POLM: variants seen among roughly 807,000 people sequenced by gnomAD.
The protein encoded by POLM is DNA polymerase mu.
A neutral mutation model predicts 56.7 loss-of-function variants in POLM; 52 were observed. The ratio of observed to expected loss-of-function variants is 0.92; its 90% CI spans 0.73 to 1.15. The LOEUF is 1.15. Ranked by LOEUF, POLM falls within the 50% of genes most tolerant of loss-of-function variation. POLM has a pLI of 0.00. For missense variants in POLM, 660 were observed against 663.6 expected, an observed-to-expected ratio of 0.99 and a Z score of 0.06; for synonymous variants, 273 against 274.3, an observed-to-expected ratio of 1.00 and a Z score of 0.05.
Position 44,080,884 on chromosome 7 carries a change from G to A in POLM, c.221C>T (p.Thr74Ile). The A allele has an allele frequency of 6.3e-7, 1 of 1,592,732 alleles. No homozygotes were observed. Among genetic ancestry groups the A allele is most frequent in the Non-Finnish European group, 8.5e-7 (1 of 1,170,486 alleles). Residue 74 changes from threonine to isoleucine, a missense_variant, in exon 2 of 11, where the codon ACC becomes ATC. Transcript: ENST00000242248. ...CCAGCTGACGGCCTCCTCTGCTGAG[G>A]TCTCTTCCATCACAACATGTGTCGC... The part of the protein sequence containing the change: ...SEATHVVMEE[T>I]SAEEAVSWQE...
chr7:44,079,499 C>T (rs2096193295), intron 4 of POLM, 72 bp downstream of exon 4: 2 of 1,448,754 alleles, frequency 1.4e-6, no homozygotes, highest in African/African-American at 1.4e-5. Flanking sequence ...CCCACAGCAC[C>T]CTCTGCTGTC....
rs543072113 is a variant in POLM at position 44,082,478 on chromosome 7, G to T, written c.-40C>A. Reference sequence around the variant, plus strand: ...CCAGCAGCGCGGAGCGAACGCAGAGGGAAACTCCGAGCGAGACGGAAGGAA... The same window carrying T: ...CCAGCAGCGCGGAGCGAACGCAGAGTGAAACTCCGAGCGAGACGGAAGGAA... On this transcript the variant is annotated 5_prime_UTR_variant, in exon 1 of 11. Transcript: ENST00000242248. 2.2e-5 allele frequency: 22 copies of T among 1,015,736 alleles called. No individual in the cohort carries two copies. Among genetic ancestry groups the T allele is most frequent in the Non-Finnish European group, 2.3e-5 (19 of 830,388 alleles). 62.9% of individuals were successfully genotyped at this position (1,015,736 alleles called of 1,614,324 possible).
intron 1 of POLM, among the ~76,000 whole-genome samples, chr7:44,081,369 C>G (rs1338481187): frequency 6.6e-6 from 1 of 152,184 alleles, no homozygotes; most frequent in Non-Finnish European, 1.5e-5. Flanking sequence ...ACATATCCAC[C>G]CTGTGGGGTT....
At chr7:44,080,020 G>A (rs1001439281) in intron 2 of POLM, 61 bp from the exon 3 acceptor site, 13 of 1,235,746 alleles carry the variant, frequency 1.1e-5, no homozygotes, top group Middle Eastern at 2.6e-4. Flanking sequence ...GAGCCAGGCC[G>A]TACTCAGGCT....
Position 44,080,905 on chromosome 7 carries a change from G to C in POLM, c.200C>G (p.Thr67Arg). Residue 67 changes from threonine to arginine, a missense_variant, in exon 2 of 11, where the codon ACA becomes AGA. Thr to Arg is a moderately conservative substitution (Grantham distance 71). Transcript: ENST00000242248. ...RVLDACSSEA[T>R]HVVMEETSAE... is the part of the protein sequence containing the mutation. Reference sequence around the variant, plus strand: ...TGAGGTCTCTTCCATCACAACATGTGTCGCTTCGGAGCTGGTGGAGGGAGT... The same window carrying C: ...TGAGGTCTCTTCCATCACAACATGTCTCGCTTCGGAGCTGGTGGAGGGAGT... 6.4e-7 allele frequency: 1 copy of C among 1,570,926 alleles called. No individual in the cohort carries two copies. The highest frequency in any genetic ancestry group is 8.6e-7 in the Non-Finnish European group (1 of 1,159,232).
chr7:44,079,772 G>C (rs1286201124), intron 3 of POLM, 31 bp from the exon 4 acceptor site: 2 of 1,610,876 alleles, frequency 1.2e-6, no homozygotes, highest in Non-Finnish European at 1.7e-6. Context: ...TAAGGGGCAG[G>C]GTGGGCAGCT....
intron 4 of POLM, 38 bp downstream of exon 4, chr7:44,079,533 A>AAACCC: frequency 2.6e-6 from 2 of 768,070 alleles, no homozygotes; most frequent in Non-Finnish European, 4.4e-6. Context: ...AGGCCTCCCC[A>AAACCC]CCCACCCACT....
At chr7:44,074,774 A>G (rs2096179339) in intron 6 of POLM, among the ~76,000 whole-genome samples, 1 of 152,368 alleles carries the variant, frequency 6.6e-6, no homozygotes, top group African/African-American at 2.4e-5. Context: ...CTCGCAGTTA[A>G]AAGAAATAGC....
At chr7:44,079,528 T>TGCCCCCCCCCCC in intron 4 of POLM, 43 bp downstream of exon 4, 2 of 1,506,360 alleles carry the variant, frequency 1.3e-6, no homozygotes, top group Non-Finnish European at 1.8e-6. Flanking sequence ...CCCCAAGGCC[T>TGCCCCCCCCCCC]CCCCACCCAC....
At chr7:44,079,489 C>T in intron 4 of POLM, 82 bp downstream of exon 4, 1 of 1,366,780 alleles carries the variant, frequency 7.3e-7, no homozygotes, top group East Asian at 2.3e-5. Flanking sequence ...CTCACCCACC[C>T]CCACAGCACC....
chr7:44,073,327 G>T lies in POLM; in HGVS notation c.1449C>A (p.Gly483=). 1 of 1,614,192 alleles carries T rather than the reference G, an allele frequency of 6.2e-7. No homozygotes were observed. The change falls in exon 11 of 11, where the codon GGC becomes GGA. Residue 483 remains glycine (G), a synonymous_variant. Transcript: ENST00000242248. ...TCTGCTCTGGAGGAAGGTACTCAAGGCCCAGGTGTCTGAAGATGTCTTCCT... is the reference window on the plus strand; with the variant it reads ...TCTGCTCTGGAGGAAGGTACTCAAGTCCCAGGTGTCTGAAGATGTCTTCCT... ...ASEEDIFRHL[G]LEYLPPEQRN... is the part of the protein sequence containing the mutation.
rs753102782 is a variant in POLM, at chr7:44,073,409, G to A, written c.1399-32C>T. On this transcript the variant is annotated intron_variant, in intron 10 of 10. Transcript: ENST00000242248. ...CAGAAGCAGGACTTCCGTGACCTAG[G>A]AGTCTTGCCACTGCTGCTTCCCTGC... The A allele has an allele frequency of 8.7e-6, 14 of 1,608,214 alleles. 1 individual carries two copies. In the South Asian group the frequency reaches 1.5e-4, roughly 18 times the overall value.
In POLM at chr7:44,082,516, C is replaced by T. The variant is rs2096203433; in HGVS notation, c.-78G>A. On this transcript the variant is annotated 5_prime_UTR_variant, in exon 1 of 11. Transcript: ENST00000242248. The stretch of plus-strand genomic sequence containing the variant: ...GAGACGGAAGGAAGCCCCAGTGAGG[C>T]TGACGGAAGCGGGTGGGCGGGCGGG... 2 of 93,558 alleles carry T rather than the reference C, an allele frequency of 2.1e-5. No individual in the cohort carries two copies. The highest frequency in any genetic ancestry group is 3.9e-5 in the Non-Finnish European group (2 of 51,104). 5.8% of individuals were successfully genotyped at this position (93,558 alleles called of 1,614,324 possible). A position where few individuals can be genotyped will look rare whatever the true frequency, so the allele number is the denominator to read the frequency against.
In POLM at chr7:44,073,626, T is replaced by C; in HGVS notation, c.1397A>G (p.Gln466Arg). ...LNSHGLFDPE[Q>R]KTFFQAASEE... ...TGTCCCCAGTCCCCAACAATGTACCTGCTCCGGGTCAAACAGCCCATGGCT... is the reference window on the plus strand; with the variant it reads ...TGTCCCCAGTCCCCAACAATGTACCCGCTCCGGGTCAAACAGCCCATGGCT... Residue 466 changes from glutamine to arginine, a missense_variant and splice_region_variant, in exon 10 of 11, where the codon CAG becomes CGG. Physicochemically the swap from Gln to Arg is conservative, Grantham distance 43. Transcript: ENST00000242248. 1.2e-6 allele frequency: 2 copies of C among 1,614,092 alleles called. No homozygotes were observed. The highest frequency in any genetic ancestry group is 1.7e-6 in the Non-Finnish European group (2 of 1,179,948).
intron 6 of POLM, among the ~76,000 whole-genome samples, chr7:44,074,835 C>A (rs945919832): frequency 1.3e-5 from 2 of 152,186 alleles, no homozygotes. Context: ...AAAGGTTAAC[C>A]CCTTACAAAA....
At chr7:44,081,543 C>A (rs28382630) in intron 1 of POLM, among the ~76,000 whole-genome samples, 6,475 of 152,210 alleles carry the variant, frequency 0.043, 432 homozygotes, top group African/African-American at 0.15. Flanking sequence ...CTAGGGGGCA[C>A]CCCCAGCTCC....
intron 6 of POLM, chr7:44,075,637 T>C (rs957359402): frequency 3.3e-5 from 5 of 151,578 alleles, no homozygotes; most frequent in Non-Finnish European, 7.3e-5. Context: ...AGGCAGGCCA[T>C]GCAGAGAGAA....
In POLM at chr7:44,073,769, G is replaced by C; in HGVS notation, c.1314+14C>G. The C allele has an allele frequency of 6.2e-7, 1 of 1,613,902 alleles. No individual in the cohort carries two copies. Among genetic ancestry groups the C allele is most frequent in the Non-Finnish European group, 8.5e-7 (1 of 1,179,856 alleles). ...CAGCCCCACCCCCAGGCGGCCCAGC[G>C]GCACACTGCCTACCTTGGAGCCAGT... On this transcript the variant is annotated intron_variant, in intron 9 of 10. Coordinates refer to ENST00000242248, the MANE Select transcript of POLM (RefSeq NM_013284.4).
intron 10 of POLM, 79 bp downstream of exon 10, chr7:44,073,546 G>A (rs2096174290): frequency 4.4e-6 from 7 of 1,604,246 alleles, no homozygotes; most frequent in Non-Finnish European, 6.0e-6. Flanking sequence ...AGGCTGGAGG[G>A]GTCTGGGGCC....
Sources: allele counts gnomAD v4.1 joint callset (sites outside exome capture counted in the v4.1 genomes callset), GRCh38; gene constraint gnomAD v4.1.1; transcripts MANE v1.5; gene names NCBI Gene and HGNC (gene_info 2026-07-23, HGNC 2026-07-21).